PROM1: variants seen among roughly 807,000 people sequenced by gnomAD.
PROM1 encodes prominin-1.
Under a neutral mutation model 116.9 loss-of-function variants are expected in PROM1, and 105 were observed. The ratio of observed to expected loss-of-function variants is 0.90; its 90% CI spans 0.77 to 1.06. The LOEUF is 1.06. Among genes scored for constraint, PROM1 ranks in the 50% least tolerant of loss-of-function variants. PROM1 has a pLI of 0.00. For missense variants in PROM1, 1,122 were observed against 1,045.2 expected, an observed-to-expected ratio of 1.07 and a Z score of -1.01; for synonymous variants, 393 against 387.0, an observed-to-expected ratio of 1.02 and a Z score of -0.18.
chr4:16,080,804 TCTTCTGGGC>T (rs1744893877), intron 1 of PROM1: 1 of 152,228 alleles, frequency 6.6e-6, no homozygotes, highest in Non-Finnish European at 1.5e-5. Flanking sequence ...TCAGAAGCTT[TCTTCTGGGC>T]CTGGGCCTGC....
intron 5 of PROM1, among the ~76,000 whole-genome samples, chr4:16,031,903 T>C (rs1269514221): frequency 6.6e-6 from 1 of 152,204 alleles, no homozygotes; most frequent in African/African-American, 2.4e-5. Context: ...CTTTGTCTGT[T>C]GTGAAGATTT....
chr4:16,067,022 C>T (rs11725717), intron 2 of PROM1, among the ~76,000 whole-genome samples: 106,238 of 152,100 alleles, frequency 0.7, 37,464 homozygotes, highest in Non-Finnish European at 0.76. Flanking sequence ...CAGAAGACTG[C>T]CCTATGAAAG....
intron 8 of PROM1, among the ~76,000 whole-genome samples, chr4:16,022,074 G>A (rs958072268): frequency 9.4e-5 from 14 of 148,568 alleles, no homozygotes; most frequent in African/African-American, 3.2e-4. Context: ...GAAGAAAGGA[G>A]TAGGGGAGAG....
intron 26 of PROM1, among the ~76,000 whole-genome samples, chr4:15,974,421 G>T (rs1222263985): frequency 6.6e-6 from 1 of 152,080 alleles, no homozygotes; most frequent in African/African-American, 2.4e-5. Flanking sequence ...GTGTGTTTAA[G>T]AAATAAATAG....
intron 8 of PROM1, among the ~76,000 whole-genome samples, chr4:16,023,011 C>T (rs935478356): frequency 1.3e-5 from 2 of 152,084 alleles, no homozygotes; most frequent in East Asian, 3.9e-4. Flanking sequence ...CATCATAGCA[C>T]GAAAACGGCC....
chr4:16,011,677 A>G (rs1230912095), intron 11 of PROM1, among the ~76,000 whole-genome samples: 3 of 152,260 alleles, frequency 2.0e-5, no homozygotes, highest in Non-Finnish European at 2.9e-5. Context: ...TCAGACATAC[A>G]GCATGCATCA....
chr4:16,018,521 C>T lies in PROM1; in HGVS notation c.804G>A (p.Glu268=). The T allele has an allele frequency of 1.2e-6, 2 of 1,609,622 alleles. No individual in the cohort carries two copies. Among genetic ancestry groups the T allele is most frequent in the Non-Finnish European group, 1.7e-6 (2 of 1,178,552 alleles). The change falls in exon 9 of 28, where the codon GAG becomes GAA. Residue 268 remains glutamate, a synonymous_variant. Transcript: ENST00000447510. ...SMATAIKETK[E]ALENMNSTLK... Reference sequence around the variant, plus strand: ...AGGTGCTGTTCATGTTCTCCAACGCCTCTTTGGTCTCCTTGATCGCTATGG... The same window carrying T: ...AGGTGCTGTTCATGTTCTCCAACGCTTCTTTGGTCTCCTTGATCGCTATGG...
chr4:16,078,545 G>A (rs1007893413), intron 1 of PROM1, among the ~76,000 whole-genome samples: 8 of 152,218 alleles, frequency 5.3e-5, no homozygotes, highest in African/African-American at 1.9e-4. Flanking sequence ...GAACCTGGAA[G>A]GATCCCAAGT....
At chr4:16,048,356 T>C (rs1737002323) in intron 2 of PROM1, among the ~76,000 whole-genome samples, 1 of 152,194 alleles carries the variant, frequency 6.6e-6, no homozygotes. Context: ...GAAAAACCAT[T>C]TTCTGCTACA....
At chr4:16,015,328 A>G (rs1463204022) in intron 10 of PROM1, among the ~76,000 whole-genome samples, 2 of 125,694 alleles carry the variant, frequency 1.6e-5, no homozygotes, top group Non-Finnish European at 3.2e-5. Context: ...CCTGGGCAAC[A>G]GCGCAAGACT....
chr4:16,004,836 C>CTTTCTTTCT (rs1560460117), intron 13 of PROM1, among the ~76,000 whole-genome samples: 26 of 57,538 alleles, frequency 4.5e-4, no homozygotes, highest in Admixed American at 1.3e-3. Flanking sequence ...TCTTTTTCTT[C>CTTTCTTTCT]CTTCCTTCCT....
At chr4:15,990,912 C>T (rs115762620) in intron 18 of PROM1, among the ~76,000 whole-genome samples, 1,578 of 152,336 alleles carry the variant, frequency 0.01, 27 homozygotes, top group African/African-American at 0.036. Context: ...ACTTTCTGCA[C>T]ACTGCCTATG....
chr4:16,039,078 A>G, intron 2 of PROM1, 77 bp from the exon 3 acceptor site: 3 of 1,209,502 alleles, frequency 2.5e-6, no homozygotes, highest in Non-Finnish European at 3.3e-6. Context: ...AAAGATCTTT[A>G]TATGCTTAAA....
chr4:16,043,794 T>A (rs1735884726), intron 2 of PROM1, among the ~76,000 whole-genome samples: 1 of 152,208 alleles, frequency 6.6e-6, no homozygotes. Context: ...CTCCATCCAT[T>A]GCTCTGTCCA....
intron 13 of PROM1, among the ~76,000 whole-genome samples, chr4:16,004,031 A>C (rs752217833): frequency 2.0e-5 from 3 of 152,212 alleles, no homozygotes; most frequent in Non-Finnish European, 4.4e-5. Flanking sequence ...ACAAGCAAGT[A>C]AACAGTTTTA....
chr4:15,994,058 T>G lies in PROM1; in HGVS notation c.1696A>C (p.Asn566His), dbSNP rs1456476770. 2 of 1,613,890 alleles carry G rather than the reference T, an allele frequency of 1.2e-6. No individual in the cohort carries two copies. Among genetic ancestry groups the G allele is most frequent in the East Asian group, 2.2e-5 (1 of 44,886 alleles). Reference sequence around the variant, plus strand: ...TGAAGAGTGCCGTAAGTGCCTCTATTTTTTTTGCAGTCACTGTGGGAATGA... The same window carrying G: ...TGAAGAGTGCCGTAAGTGCCTCTATGTTTTTTGCAGTCACTGTGGGAATGA... Reference protein sequence around the residue: ...FEQVYSDCKKNRGTYGTLHLQ... With the variant: ...FEQVYSDCKKHRGTYGTLHLQ... Residue 566 changes from asparagine to histidine, a missense_variant, in exon 16 of 28, where the codon AAT (asparagine) becomes CAT (histidine). Transcript: ENST00000447510.
At chr4:16,015,507 T>C (rs992337824) in intron 10 of PROM1, among the ~76,000 whole-genome samples, 44 of 151,568 alleles carry the variant, frequency 2.9e-4, no homozygotes, top group African/African-American at 1.1e-3. Flanking sequence ...CTGGCCAACA[T>C]GGTGAAACCT....
intron 8 of PROM1, among the ~76,000 whole-genome samples, chr4:16,021,307 T>G (rs1361309696): frequency 6.6e-6 from 1 of 152,184 alleles, no homozygotes; most frequent in Non-Finnish European, 1.5e-5. Context: ...TACTAAAAAT[T>G]GCAAGAACAT....
intron 2 of PROM1, among the ~76,000 whole-genome samples, chr4:16,040,581 T>C (rs1288923639): frequency 6.6e-6 from 1 of 152,262 alleles, no homozygotes; most frequent in Non-Finnish European, 1.5e-5. Context: ...GATCTTGATC[T>C]AGCAACGAGT....
Sources: gnomAD v4.1 joint callset for allele counts (sites outside exome capture counted in the v4.1 genomes callset) on GRCh38, gnomAD v4.1.1 for gene constraint, MANE v1.5 for transcripts, NCBI Gene and HGNC (gene_info 2026-07-23, HGNC 2026-07-21) for gene names.